NOP10: variants seen among roughly 807,000 people sequenced by gnomAD.
The protein encoded by NOP10 is H/ACA ribonucleoprotein complex subunit 3.
A neutral mutation model predicts 9.5 loss-of-function variants in NOP10; 6 were observed. The observed-to-expected ratio is 0.63, with a 90% CI of 0.35 to 1.25. The LOEUF is 1.25. Among genes scored for constraint, NOP10 ranks in the 50% most tolerant of loss-of-function variants. The pLI, the probability that NOP10 is intolerant of heterozygous loss-of-function variation, is 0.03. For synonymous variants in NOP10, 28 were observed against 30.7 expected (o/e 0.91, Z 0.29); for missense variants, 75 against 81.3 (o/e 0.92, Z 0.30).
intron 1 of NOP10, among the ~76,000 whole-genome samples, chr15:34,342,508 G>C (rs1890497836): frequency 6.7e-6 from 1 of 148,382 alleles, no homozygotes; most frequent in Admixed American, 6.7e-5. Context: ...AGGTTGCAGT[G>C]AGCCGAGACC....
intron 1 of NOP10, 56 bp downstream of exon 1, chr15:34,342,964 C>T: frequency 1.3e-6 from 2 of 1,512,962 alleles, no homozygotes; most frequent in South Asian, 1.1e-5. Context: ...ACCTCACCCA[C>T]TCCTCCCATC....
In NOP10 at chr15:34,342,119, A is replaced by T; in HGVS notation, c.55-11T>A. On this transcript the variant is annotated splice_polypyrimidine_tract_variant and intron_variant, in intron 1 of 1. Transcript: ENST00000328848. Reference sequence around the variant, plus strand: ...CATCGGGTCAAATTTCTGCTCCAGGAACACAGAATGTATGTCAGTACAGGA... The same window carrying T: ...CATCGGGTCAAATTTCTGCTCCAGGTACACAGAATGTATGTCAGTACAGGA... 2 of 1,614,048 alleles carry T rather than the reference A, an allele frequency of 1.2e-6. No homozygotes were observed. Among genetic ancestry groups the T allele is most frequent in the African/African-American group, 2.7e-5 (2 of 75,020 alleles).
In NOP10 at chr15:34,341,770, A is replaced by G. The variant is rs1167284753; in HGVS notation, c.*198T>C. 15 of 615,382 alleles carry G rather than the reference A, an allele frequency of 2.4e-5. No individual in the cohort carries two copies. The highest frequency in any genetic ancestry group is 3.7e-5 in the African/African-American group (2 of 53,952). The allele number at this position is 615,382 out of a possible 1,614,324, so 38.1% of individuals were successfully genotyped here. ...ATCTTGTAGTAATTTAAAATATGAG[A>G]AAAAAAAGTCAAATGTGTTCCCTTT... On this transcript the variant is annotated 3_prime_UTR_variant, in exon 2 of 2. Transcript: ENST00000328848.
intron 1 of NOP10, 142 bp downstream of exon 1, chr15:34,342,878 G>A (rs1890507473): frequency 7.5e-6 from 6 of 800,356 alleles, no homozygotes; most frequent in Non-Finnish European, 1.3e-5. Flanking sequence ...AAAATGAGTC[G>A]CGCGGTCCCG....
chr15:34,342,168 C>A, intron 1 of NOP10, 60 bp from the exon 2 acceptor site: 1 of 1,486,266 alleles, frequency 6.7e-7, no homozygotes, highest in Non-Finnish European at 9.4e-7. Flanking sequence ...GTGGGGCCAG[C>A]GCGAAAAAGG....
At chr15:34,342,259 C>T in intron 1 of NOP10, 151 bp from the exon 2 acceptor site, 1 of 798,480 alleles carries the variant, frequency 1.3e-6, no homozygotes, top group Non-Finnish European at 2.1e-6. Context: ...TTAAAAAGGC[C>T]GAGCGCGGTG....
intron 1 of NOP10, 118 bp downstream of exon 1, chr15:34,342,902 T>C: frequency 1.0e-6 from 1 of 999,350 alleles, no homozygotes; most frequent in Admixed American, 1.7e-5. Flanking sequence ...CTTCCCCACC[T>C]CGGTTCTGGA....
chr15:34,342,803 T>G (rs1278539258), intron 1 of NOP10, among the ~76,000 whole-genome samples: 2 of 152,054 alleles, frequency 1.3e-5, no homozygotes, highest in Non-Finnish European at 2.9e-5. Flanking sequence ...CGCCTCGGCC[T>G]CCCAAAGTGC....
chr15:34,342,564 TA>T (rs750902937), intron 1 of NOP10, among the ~76,000 whole-genome samples: 9,225 of 102,764 alleles, frequency 0.09, 1,000 homozygotes, highest in African/African-American at 0.29. Context: ...TCCCTGTCTT[TA>T]AAAAAAAAAA....
rs572748894 is a variant in NOP10 at position 34,342,264 on chromosome 15, G to A, written c.55-156C>T. On this transcript the variant is annotated intron_variant, in intron 1 of 1. Coordinates refer to ENST00000328848, the MANE Select transcript of NOP10 (RefSeq NM_018648.4). ...AATATAAAATTTAAAAAGGCCGAGC[G>A]CGGTGGCTCACGCCTGTAATCCTGG... 9.2e-5 allele frequency among the ~76,000 whole-genome samples: 14 copies of A among 152,192 alleles called. No homozygotes were observed. In the East Asian group the frequency reaches 2.7e-3, roughly 30 times the overall value.
intron 1 of NOP10, 22 bp from the exon 2 acceptor site, chr15:34,342,130 TATG>T (rs763453630): frequency 4.5e-5 from 73 of 1,613,164 alleles, no homozygotes; most frequent in Non-Finnish European, 5.3e-5. Flanking sequence ...ACACAGAATG[TATG>T]TCAGTACAGG....
intron 1 of NOP10, among the ~76,000 whole-genome samples, chr15:34,342,438 C>T (rs1311617069): frequency 6.6e-6 from 1 of 150,954 alleles, no homozygotes; most frequent in African/African-American, 2.5e-5. Context: ...GTGGCGCACG[C>T]CTGTAGTCCC....
At chr15:34,342,564 TAAAAAAAAAAAAAA>T (rs750902937) in intron 1 of NOP10, among the ~76,000 whole-genome samples, 1 of 102,734 alleles carries the variant, frequency 9.7e-6, no homozygotes, top group Non-Finnish European at 1.9e-5. Flanking sequence ...TCCCTGTCTT[TAAAAAAAAAAAAAA>T]AAAAAAAAAG....
Position 34,341,919 on chromosome 15 carries a change from G to A in NOP10, c.*49C>T, listed in dbSNP as rs1485184136. On this transcript the variant is annotated 3_prime_UTR_variant, in exon 2 of 2. Coordinates refer to ENST00000328848, the MANE Select transcript of NOP10 (RefSeq NM_018648.4). ...ACAGTCCGAAGAGTTTGGTTACGGA[G>A]TCTCCGAGGGGTAACAGGTGGCAGA... The A allele has an allele frequency of 6.2e-7, 1 of 1,602,600 alleles. No homozygotes were observed.
Position 34,342,948 on chromosome 15 carries a change from C to G in NOP10, c.54+72G>C. On this transcript the variant is annotated intron_variant, in intron 1 of 1. Transcript: ENST00000328848. Reference sequence around the variant, plus strand: ...CCCCGCACCCAGCTAGGTAACTCCACGTATGACCTCACCCACTCCTCCCAT... The same window carrying G: ...CCCCGCACCCAGCTAGGTAACTCCAGGTATGACCTCACCCACTCCTCCCAT... The G allele has an allele frequency of 3.6e-6, 5 of 1,401,166 alleles. No homozygotes were observed. The South Asian group carries it at 4.6e-5, about 13-fold the overall frequency. The allele number at this position is 1,401,166 out of a possible 1,614,324, so 86.8% of individuals were successfully genotyped here. A position where few individuals can be genotyped will look rare whatever the true frequency, so the allele number is the denominator to read the frequency against.
chr15:34,342,311 G>C lies in NOP10; in HGVS notation c.55-203C>G, dbSNP rs113680082. On this transcript the variant is annotated intron_variant, in intron 1 of 1. Coordinates refer to ENST00000328848, the MANE Select transcript of NOP10 (RefSeq NM_018648.4). Reference sequence around the variant, plus strand: ...CTGGCACTTTGGGAGGTCGAGGCGGGAGGATGGTTTGAGACCAGCCTGGGC... The same window carrying C: ...CTGGCACTTTGGGAGGTCGAGGCGGCAGGATGGTTTGAGACCAGCCTGGGC... 2.0e-3 allele frequency among the ~76,000 whole-genome samples: 306 copies of C among 152,222 alleles called. 2 individuals are homozygous for C. Among genetic ancestry groups the C allele is most frequent in the African/African-American group, 7.0e-3 (291 of 41,554 alleles).
Position 34,341,929 on chromosome 15 carries a change from G to C in NOP10, c.*39C>G. 1.2e-6 allele frequency: 2 copies of C among 1,610,256 alleles called. No homozygotes were observed. The highest frequency in any genetic ancestry group is 1.7e-6 in the Non-Finnish European group (2 of 1,178,022). On this transcript the variant is annotated 3_prime_UTR_variant, in exon 2 of 2. Coordinates refer to ENST00000328848, the MANE Select transcript of NOP10 (RefSeq NM_018648.4). ...GAGTTTGGTTACGGAGTCTCCGAGG[G>C]GTAACAGGTGGCAGAAAAGACATCA...
intron 1 of NOP10, 99 bp downstream of exon 1, chr15:34,342,921 T>G: frequency 1.7e-6 from 2 of 1,155,150 alleles, no homozygotes; most frequent in African/African-American, 1.5e-5. Context: ...GACTTTCTGG[T>G]TCCCCGCACC....
In NOP10 at chr15:34,341,935, A is replaced by C. The variant is rs375648407; in HGVS notation, c.*33T>G. ...GGTTACGGAGTCTCCGAGGGGTAAC[A>C]GGTGGCAGAAAAGACATCAGTTTAA... is the stretch of plus-strand genomic sequence containing the variant. On this transcript the variant is annotated 3_prime_UTR_variant, in exon 2 of 2. Coordinates refer to ENST00000328848, the MANE Select transcript of NOP10 (RefSeq NM_018648.4). 5.0e-6 allele frequency: 8 copies of C among 1,611,690 alleles called. No individual in the cohort carries two copies. Among genetic ancestry groups the C allele is most frequent in the Non-Finnish European group, 6.8e-6 (8 of 1,179,064 alleles).
Sources: allele counts gnomAD v4.1 joint callset (sites outside exome capture counted in the v4.1 genomes callset), GRCh38; gene constraint gnomAD v4.1.1; transcripts MANE v1.5; gene names NCBI Gene and HGNC (gene_info 2026-07-23, HGNC 2026-07-21).